The following MYO18B variants were observed in gnomAD, a reference collection of about 807,000 sequenced individuals.
MYO18B encodes unconventional myosin-XVIIIb.
MYO18B carries 204 observed loss-of-function variants against 273.0 expected under a neutral mutation model. The observed-to-expected ratio is 0.75, with a 90% CI of 0.67 to 0.84. The LOEUF (loss-of-function observed/expected upper bound fraction) is 0.84. Among genes scored for constraint, MYO18B ranks in the 40% least tolerant of loss-of-function variants. MYO18B has a pLI of 0.00. For missense variants in MYO18B, 3,212 were observed against 3,287.6 expected, an observed-to-expected ratio of 0.98 and a Z score of 0.56; for synonymous variants, 1,330 against 1,305.7, an observed-to-expected ratio of 1.02 and a Z score of -0.40.
At chr22:25,762,731 T>C (rs1189550631) in intron 2 of MYO18B, among the ~76,000 whole-genome samples, 2 of 152,272 alleles carry the variant, frequency 1.3e-5, no homozygotes, top group Non-Finnish European at 2.9e-5. Flanking sequence ...ATATAAGTCA[T>C]GGCTGTAAGC....
intron 12 of MYO18B, among the ~76,000 whole-genome samples, chr22:25,808,835 A>G (rs2088602946): frequency 6.6e-6 from 1 of 152,138 alleles, no homozygotes. Context: ...ACATTATTGA[A>G]CTTGAGTATT....
intron 1 of MYO18B, among the ~76,000 whole-genome samples, chr22:25,750,752 G>A (rs2085908434): frequency 6.6e-6 from 1 of 152,242 alleles, no homozygotes; most frequent in African/African-American, 2.4e-5. Flanking sequence ...GTGTTTGGGT[G>A]GAGGCTGCAG....
At chr22:25,756,171 G>A in intron 1 of MYO18B, 1 of 152,616 alleles carries the variant, frequency 6.6e-6, no homozygotes, top group Non-Finnish European at 1.5e-5. Flanking sequence ...TGGGATTACA[G>A]GCATGAGGCA....
chr22:25,842,479 C>T (rs1338615114), intron 17 of MYO18B, among the ~76,000 whole-genome samples: 1 of 151,932 alleles, frequency 6.6e-6, no homozygotes, highest in Non-Finnish European at 1.5e-5. Flanking sequence ...TCGAGACCAG[C>T]CTGGCCAACA....
intron 42 of MYO18B, among the ~76,000 whole-genome samples, chr22:26,017,086 T>C (rs1935406390): frequency 1.1e-5 from 1 of 89,702 alleles, no homozygotes; most frequent in Non-Finnish European, 2.5e-5. Context: ...TCTGTGCCTC[T>C]CCCTCCCTCC....
chr22:25,910,745 C>CCTCCCTACTGTTGTCCAGCT (rs2092140043), intron 32 of MYO18B, among the ~76,000 whole-genome samples: 1 of 152,124 alleles, frequency 6.6e-6, no homozygotes. Flanking sequence ...ATTGACCAGC[C>CCTCCCTACTGTTGTCCAGCT]CTCCCTACTG....
chr22:25,852,280 C>T (rs1215245883), intron 21 of MYO18B, among the ~76,000 whole-genome samples: 1 of 152,182 alleles, frequency 6.6e-6, no homozygotes, highest in African/African-American at 2.4e-5. Context: ...GCTCAGATAC[C>T]ATTCTTCATC....
intron 34 of MYO18B, among the ~76,000 whole-genome samples, chr22:25,921,905 C>A (rs973555832): frequency 6.6e-6 from 1 of 150,434 alleles, no homozygotes; most frequent in African/African-American, 2.5e-5. Flanking sequence ...TGCAATAGTG[C>A]CAGTCATGCA....
intron 11 of MYO18B, among the ~76,000 whole-genome samples, chr22:25,795,960 C>T (rs1443705522): frequency 6.6e-6 from 1 of 152,142 alleles, no homozygotes; most frequent in Non-Finnish European, 1.5e-5. Context: ...CAAGTGTTAC[C>T]CGCTCTCTGG....
chr22:25,839,224 GTATA>G (rs773816640), intron 17 of MYO18B, among the ~76,000 whole-genome samples: 5 of 151,744 alleles, frequency 3.3e-5, no homozygotes, highest in African/African-American at 1.2e-4. Flanking sequence ...ATATGTGTGT[GTATA>G]TATGTATGAG....
intron 34 of MYO18B, among the ~76,000 whole-genome samples, chr22:25,932,810 T>C (rs2092525508): frequency 6.7e-6 from 1 of 149,986 alleles, no homozygotes; most frequent in African/African-American, 2.5e-5. Context: ...TATTTTATTA[T>C]AGCTGGTGAG....
At chr22:26,031,288 A>C (rs1405643116), downstream of MYO18B, among the ~76,000 whole-genome samples, 2 of 152,078 alleles carry the variant, frequency 1.3e-5, no homozygotes, top group African/African-American at 4.8e-5. Context: ...GTGGGAGGGA[A>C]TTCCCATTTG....
intron 7 of MYO18B, among the ~76,000 whole-genome samples, chr22:25,774,173 A>G (rs928515812): frequency 6.6e-6 from 1 of 152,062 alleles, no homozygotes; most frequent in African/African-American, 2.4e-5. Context: ...GTGGGCCTGT[A>G]CCCCTCTCTC....
At chr22:25,811,778 C>A (rs1469811247) in intron 12 of MYO18B, among the ~76,000 whole-genome samples, 1 of 152,100 alleles carries the variant, frequency 6.6e-6, no homozygotes, top group Non-Finnish European at 1.5e-5. Flanking sequence ...TTGTTTCTTG[C>A]CATTTTGGTA....
At chr22:25,760,873 C>G in intron 1 of MYO18B, 111 bp from the exon 2 acceptor site, 1 of 602,676 alleles carries the variant, frequency 1.7e-6, no homozygotes, top group Admixed American at 2.7e-5. Flanking sequence ...CTGACTGTGC[C>G]CATTCCCCCA....
chr22:25,969,883 T>G (rs1359299123), intron 39 of MYO18B, among the ~76,000 whole-genome samples: 1 of 152,198 alleles, frequency 6.6e-6, no homozygotes, highest in Admixed American at 6.5e-5. Context: ...TAAATACTTA[T>G]TACAGTGCCT....
In MYO18B at chr22:25,847,391, G is replaced by C. The variant is rs758020740; in HGVS notation, c.3553-39G>C. On this transcript the variant is annotated intron_variant, in intron 19 of 43. Transcript: ENST00000335473. ...GGTCCAGTCCCCTTTCTGTGTCTCTGTGAGACAACTGGCCCTGACCTCCCT... is the reference window on the plus strand; with the variant it reads ...GGTCCAGTCCCCTTTCTGTGTCTCTCTGAGACAACTGGCCCTGACCTCCCT... The C allele has an allele frequency of 1.3e-5, 19 of 1,508,764 alleles. No individual in the cohort carries two copies. In the Admixed American group the frequency reaches 2.0e-4, roughly 16 times the overall value. 93.5% of individuals were successfully genotyped at this position (1,508,764 alleles called of 1,614,324 possible). A position where few individuals can be genotyped will look rare whatever the true frequency, so the allele number is the denominator to read the frequency against.
intron 31 of MYO18B, among the ~76,000 whole-genome samples, chr22:25,906,197 C>A (rs938751272): frequency 2.0e-5 from 3 of 152,166 alleles, no homozygotes; most frequent in African/African-American, 7.2e-5. Context: ...TAATACAACA[C>A]TTTTTCCAGG....
At chr22:25,770,464 G>C (rs2086677360) in intron 5 of MYO18B, among the ~76,000 whole-genome samples, 1 of 152,184 alleles carries the variant, frequency 6.6e-6, no homozygotes, top group African/African-American at 2.4e-5. Flanking sequence ...TTGTCGATTG[G>C]TTGTGGCTGA....
Sources: gnomAD v4.1 joint callset for allele counts (sites outside exome capture counted in the v4.1 genomes callset) on GRCh38, gnomAD v4.1.1 for gene constraint, MANE v1.5 for transcripts, NCBI Gene and HGNC (gene_info 2026-07-23, HGNC 2026-07-21) for gene names.